The following DCLK2 variants were observed in gnomAD, a reference collection of about 807,000 sequenced individuals.
DCLK2 encodes the protein serine/threonine-protein kinase DCLK2.
In DCLK2, 31 loss-of-function variants were observed where a neutral mutation model predicts 78.4. The observed-to-expected ratio is 0.40, with a 90% confidence interval of 0.30 to 0.53. The LOEUF (loss-of-function observed/expected upper bound fraction) is 0.53. DCLK2 is among the 20% of genes least tolerant of loss of function. The pLI, the probability that DCLK2 is intolerant of heterozygous loss-of-function variation, is 0.61. For synonymous variants in DCLK2, 407 were observed against 374.9 expected (o/e 1.09, Z -0.99); for missense variants, 872 against 973.7 (o/e 0.90, Z 1.39).
At chr4:150,102,128 G>A (rs1179781887) in intron 1 of DCLK2, among the ~76,000 whole-genome samples, 1 of 152,122 alleles carries the variant, frequency 6.6e-6, no homozygotes, top group Non-Finnish European at 1.5e-5. Context: ...AGGAGGTTTG[G>A]GGAATCAGGA....
chr4:150,200,485 G>A (rs1458252280), intron 4 of DCLK2, among the ~76,000 whole-genome samples: 1 of 152,162 alleles, frequency 6.6e-6, no homozygotes, highest in Non-Finnish European at 1.5e-5. Flanking sequence ...TCTGTATAGT[G>A]CTTATCTGTA....
chr4:150,199,213 T>C lies in DCLK2; in HGVS notation c.961+1110T>C, dbSNP rs1371409670. On this transcript the variant is annotated intron_variant, in intron 4 of 15. Transcript: ENST00000296550. ...CAGTGCACATCTGTGTGGTATGAAA[T>C]GCTTTGCATTGCACAAGACACTTTA... The C allele has an allele frequency of 9.1e-6, 7 of 771,678 alleles. No homozygotes were observed. The East Asian group carries it at 1.9e-4, about 21-fold the overall frequency. The allele number at this position is 771,678 out of a possible 1,614,324, so 47.8% of individuals were successfully genotyped here. A position where few individuals can be genotyped will look rare whatever the true frequency, so the allele number is the denominator to read the frequency against.
At chr4:150,213,987 C>T (rs1459444287) in intron 5 of DCLK2, among the ~76,000 whole-genome samples, 1 of 152,182 alleles carries the variant, frequency 6.6e-6, no homozygotes, top group East Asian at 1.9e-4. Context: ...GCTCTGATTT[C>T]TTCACAGGTC....
chr4:150,240,341 C>T (rs1742823297), intron 11 of DCLK2, 58 bp from the exon 12 acceptor site: 3 of 1,449,988 alleles, frequency 2.1e-6, no homozygotes, highest in Non-Finnish European at 2.9e-6. Flanking sequence ...ACTCCAGTAC[C>T]ATGGAAGGGT....
At chr4:150,198,166 C>T in intron 4 of DCLK2, 63 bp downstream of exon 4, 1 of 1,456,222 alleles carries the variant, frequency 6.9e-7, no homozygotes, top group Non-Finnish European at 9.4e-7. Context: ...TCTGTTTTCT[C>T]TAATTTTTAT....
intron 2 of DCLK2, among the ~76,000 whole-genome samples, chr4:150,125,018 A>G (rs1732821070): frequency 6.6e-6 from 1 of 152,212 alleles, no homozygotes; most frequent in South Asian, 2.1e-4. Flanking sequence ...CAAGTTTCAC[A>G]CAGGTACAGT....
intron 2 of DCLK2, among the ~76,000 whole-genome samples, chr4:150,137,449 G>T (rs985734830): frequency 1.3e-5 from 2 of 152,274 alleles, no homozygotes; most frequent in East Asian, 3.9e-4. Context: ...TGAGACAAGG[G>T]TTGATGAAAT....
intron 2 of DCLK2, among the ~76,000 whole-genome samples, chr4:150,140,660 ATTC>A (rs1328418843): frequency 2.6e-5 from 4 of 152,154 alleles, no homozygotes; most frequent in African/African-American, 9.7e-5. Flanking sequence ...TATTCTTCCT[ATTC>A]TTTTCCTATT....
In DCLK2 at chr4:150,109,402, T is replaced by G. The variant is rs1029915459; in HGVS notation, c.756+6590T>G. Among the ~76,000 whole-genome samples the G allele has an allele frequency of 1.3e-5, 2 of 151,672 alleles. 1 individual carries two copies. Among genetic ancestry groups the G allele is most frequent in the African/African-American group, 4.8e-5 (2 of 41,366 alleles). ...CAGGCTGGAGTGCAGTGGCATGATCTCGGCTCACTGCAGTCTCTGCCTCCC... is the reference window on the plus strand; with the variant it reads ...CAGGCTGGAGTGCAGTGGCATGATCGCGGCTCACTGCAGTCTCTGCCTCCC... On this transcript the variant is annotated intron_variant, in intron 2 of 15. Transcript: ENST00000296550.
intron 2 of DCLK2, 37 bp from the exon 3 acceptor site, chr4:150,193,101 G>A (rs1252297302): frequency 1.6e-6 from 2 of 1,277,568 alleles, no homozygotes; most frequent in Non-Finnish European, 2.3e-6. Context: ...CTTCTAATGT[G>A]TCTAATTTAT....
chr4:150,108,104 C>T (rs1731399971), intron 2 of DCLK2, among the ~76,000 whole-genome samples: 1 of 152,074 alleles, frequency 6.6e-6, no homozygotes, highest in African/African-American at 2.4e-5. Flanking sequence ...GATGTGATGA[C>T]CAGAAAACAT....
At chr4:150,116,585 G>A (rs1033162172) in intron 2 of DCLK2, among the ~76,000 whole-genome samples, 2 of 152,200 alleles carry the variant, frequency 1.3e-5, no homozygotes, top group African/African-American at 4.8e-5. Flanking sequence ...ATGTCTTCAA[G>A]GGATCCAGTG....
chr4:150,235,989 A>T (rs1384659779), intron 10 of DCLK2, among the ~76,000 whole-genome samples: 2 of 152,302 alleles, frequency 1.3e-5, no homozygotes, highest in South Asian at 2.1e-4. Flanking sequence ...GAGACCAGTG[A>T]TAAATTCAGG....
At chr4:150,128,221 G>A (rs1029258791) in intron 2 of DCLK2, among the ~76,000 whole-genome samples, 16 of 152,166 alleles carry the variant, frequency 1.1e-4, no homozygotes, top group African/African-American at 2.4e-4. Flanking sequence ...AATTGCCAGC[G>A]TTACTGGGCC....
intron 2 of DCLK2, among the ~76,000 whole-genome samples, chr4:150,185,764 C>T (rs984513610): frequency 8.6e-5 from 13 of 151,850 alleles, no homozygotes; most frequent in African/African-American, 2.7e-4. Context: ...CTCTTTCACA[C>T]GTTTTTGTAT....
At chr4:150,107,507 G>T (rs1206739628) in intron 2 of DCLK2, among the ~76,000 whole-genome samples, 2 of 151,204 alleles carry the variant, frequency 1.3e-5, no homozygotes, top group Non-Finnish European at 2.9e-5. Context: ...TTCCTGAGTA[G>T]CTGGGACTAC....
intron 2 of DCLK2, among the ~76,000 whole-genome samples, chr4:150,141,233 T>C (rs1007980297): frequency 1.3e-5 from 2 of 152,192 alleles, no homozygotes; most frequent in African/African-American, 4.8e-5. Flanking sequence ...TACCCTTCCT[T>C]CCCCCAAATC....
At chr4:150,105,424 A>G (rs1174861173) in intron 2 of DCLK2, among the ~76,000 whole-genome samples, 1 of 151,430 alleles carries the variant, frequency 6.6e-6, no homozygotes, top group Non-Finnish European at 1.5e-5. Context: ...AAGGTGAATT[A>G]AACAAGTGAG....
chr4:150,202,717 C>G (rs746789438), intron 4 of DCLK2, among the ~76,000 whole-genome samples: 3 of 152,006 alleles, frequency 2.0e-5, no homozygotes, highest in Non-Finnish European at 4.4e-5. Flanking sequence ...TCTTTTCTTT[C>G]CAAAAAGATG....
Sources: gnomAD v4.1 joint callset for allele counts (sites outside exome capture counted in the v4.1 genomes callset) on GRCh38, gnomAD v4.1.1 for gene constraint, MANE v1.5 for transcripts, NCBI Gene and HGNC (gene_info 2026-07-23, HGNC 2026-07-21) for gene names.